SOX5: variants seen among roughly 807,000 people sequenced by gnomAD.
The protein encoded by SOX5 is transcription factor SOX-5.
SOX5 carries 9 observed loss-of-function variants against 92.0 expected under a neutral mutation model. That is an observed-to-expected ratio of 0.10 (90% CI 0.06 to 0.17). The LOEUF (loss-of-function observed/expected upper bound fraction) is 0.17. Among genes scored for constraint, SOX5 ranks in the 10% least tolerant of loss-of-function variants. The pLI, the probability that SOX5 is intolerant of heterozygous loss-of-function variation, is 1.00. For missense variants in SOX5, 642 were observed against 944.5 expected (o/e 0.68, Z 4.20); for synonymous variants, 344 against 336.3 (o/e 1.02, Z -0.25).
intron 12 of SOX5, 51 bp downstream of exon 12, chr12:23,546,265 C>T: frequency 9.5e-7 from 1 of 1,054,730 alleles, no homozygotes; most frequent in Non-Finnish European, 1.5e-6. Flanking sequence ...ATTGGCACTA[C>T]CTAGACACTT....
chr12:23,704,683 C>T (rs2418140), intron 6 of SOX5, among the ~76,000 whole-genome samples: 1 of 16,430 alleles, frequency 6.1e-5, no homozygotes, highest in Non-Finnish European at 1.8e-4. Context: ...CATATATATG[C>T]ATGCATATAT....
intron 4 of SOX5, among the ~76,000 whole-genome samples, chr12:24,016,047 C>G (rs1953561076): frequency 6.6e-6 from 1 of 152,108 alleles, no homozygotes; most frequent in Admixed American, 6.6e-5. Flanking sequence ...AGGCCAAGGC[C>G]AACCAGTCAG....
chr12:23,918,093 A>C (rs2097436496), intron 1 of SOX5, among the ~76,000 whole-genome samples: 2 of 152,056 alleles, frequency 1.3e-5, no homozygotes, highest in Non-Finnish European at 2.9e-5. Context: ...TGAAATGTTT[A>C]CTCTTTCTTC....
At chr12:24,405,674 C>T (rs556022082) in intron 1 of SOX5, among the ~76,000 whole-genome samples, 7 of 152,254 alleles carry the variant, frequency 4.6e-5, no homozygotes, top group Non-Finnish European at 1.0e-4. Context: ...ATCCCAGGCC[C>T]CACTGCCTCG....
intron 4 of SOX5, among the ~76,000 whole-genome samples, chr12:24,117,214 C>T (rs140522611): frequency 6.6e-6 from 1 of 152,104 alleles, no homozygotes; most frequent in Non-Finnish European, 1.5e-5. Flanking sequence ...TTTAAAAATG[C>T]TCAACATTAC....
At chr12:23,685,198 G>GT (rs2087305738) in intron 6 of SOX5, among the ~76,000 whole-genome samples, 1 of 151,960 alleles carries the variant, frequency 6.6e-6, no homozygotes, top group South Asian at 2.1e-4. Flanking sequence ...CTCTCCTGCT[G>GT]TTTTTTTCTT....
chr12:24,044,102 A>G (rs767793719), intron 4 of SOX5, among the ~76,000 whole-genome samples: 65 of 152,318 alleles, frequency 4.3e-4, no homozygotes, highest in Non-Finnish European at 4.1e-4. Flanking sequence ...GCCTTGGGGC[A>G]TCCACAATTT....
At chr12:23,545,393 C>T (rs1057303003) in intron 12 of SOX5, among the ~76,000 whole-genome samples, 7 of 152,164 alleles carry the variant, frequency 4.6e-5, no homozygotes, top group African/African-American at 1.7e-4. Flanking sequence ...AAGAACAGCA[C>T]TTCCTTCTTT....
intron 1 of SOX5, among the ~76,000 whole-genome samples, chr12:24,404,849 G>A (rs1962551422): frequency 6.6e-6 from 1 of 152,098 alleles, no homozygotes; most frequent in Admixed American, 6.6e-5. Context: ...TTGGAAATAT[G>A]GTCTTTGTGG....
intron 7 of SOX5, among the ~76,000 whole-genome samples, chr12:23,652,975 T>C (rs2081812585): frequency 1.3e-5 from 2 of 151,772 alleles, no homozygotes; most frequent in South Asian, 4.2e-4. Flanking sequence ...TGCTTTGATG[T>C]GGATATATGG....
intron 1 of SOX5, among the ~76,000 whole-genome samples, chr12:23,919,374 T>C (rs2097456091): frequency 6.6e-6 from 1 of 152,224 alleles, no homozygotes; most frequent in Non-Finnish European, 1.5e-5. Context: ...CATAAGTTTG[T>C]GACCTTTGGT....
At chr12:24,046,773 G>A (rs756971165) in intron 4 of SOX5, among the ~76,000 whole-genome samples, 1 of 147,950 alleles carries the variant, frequency 6.8e-6, no homozygotes, top group Non-Finnish European at 1.5e-5. Context: ...GCTGCCTCCT[G>A]AGTTCAAGCC....
At chr12:23,725,886 G>A (rs1032073249) in intron 6 of SOX5, among the ~76,000 whole-genome samples, 1 of 152,114 alleles carries the variant, frequency 6.6e-6, no homozygotes, top group Non-Finnish European at 1.5e-5. Context: ...ATTTTCAAAT[G>A]CTGCTGTAAG....
intron 6 of SOX5, among the ~76,000 whole-genome samples, chr12:23,691,883 C>T (rs1309917675): frequency 2.0e-5 from 3 of 151,906 alleles, no homozygotes; most frequent in African/African-American, 4.8e-5. Flanking sequence ...GCTTATTATA[C>T]CTTCTTCCTA....
chr12:24,088,532 T>C (rs1944278497), intron 4 of SOX5, among the ~76,000 whole-genome samples: 1 of 151,986 alleles, frequency 6.6e-6, no homozygotes, highest in Admixed American at 6.6e-5. Context: ...AAAACACACA[T>C]ATGAATTTGA....
At chr12:24,020,921 A>G (rs1364706210) in intron 4 of SOX5, among the ~76,000 whole-genome samples, 1 of 152,198 alleles carries the variant, frequency 6.6e-6, no homozygotes, top group Non-Finnish European at 1.5e-5. Flanking sequence ...TAAAGAAATA[A>G]GAGGTCTGCC....
chr12:24,201,992 G>A (rs1957564081), intron 4 of SOX5, among the ~76,000 whole-genome samples: 1 of 152,174 alleles, frequency 6.6e-6, no homozygotes, highest in African/African-American at 2.4e-5. Flanking sequence ...TCACTTGAGT[G>A]CTTCTTAAAA....
intron 2 of SOX5, chr12:24,357,229 G>A (rs945678316): frequency 6.6e-6 from 1 of 152,152 alleles, no homozygotes; most frequent in African/African-American, 2.4e-5. Context: ...CATGAAGGAG[G>A]AGAAATTTCG....
intron 4 of SOX5, among the ~76,000 whole-genome samples, chr12:23,977,872 G>C (rs1949091925): frequency 1.3e-5 from 2 of 152,110 alleles, no homozygotes. Flanking sequence ...ATACTAATTT[G>C]TGGAATAAAT....
Sources: gnomAD v4.1 joint callset for allele counts (sites outside exome capture counted in the v4.1 genomes callset) on GRCh38, gnomAD v4.1.1 for gene constraint, MANE v1.5 for transcripts, NCBI Gene and HGNC (gene_info 2026-07-23, HGNC 2026-07-21) for gene names.